BRWD1: variants seen among roughly 807,000 people sequenced by gnomAD.
BRWD1 encodes the protein bromodomain and WD repeat-containing protein 1.
In BRWD1, 82 loss-of-function variants were observed where a neutral mutation model predicts 251.2. The ratio of observed to expected loss-of-function variants is 0.33; its 90% CI spans 0.27 to 0.39. The LOEUF (loss-of-function observed/expected upper bound fraction) is 0.39, where lower values mean the gene tolerates loss of function less well. Ranked by LOEUF, BRWD1 falls within the 10% of genes least tolerant of loss-of-function variation. The probability of loss-of-function intolerance (pLI) is 1.00; values close to 1 mark genes in which losing one functional copy is unlikely to be tolerated. For missense variants in BRWD1, 2,233 were observed against 2,711.6 expected (o/e 0.82, Z 3.92); for synonymous variants, 918 against 902.8 (o/e 1.02, Z -0.30).
intron 26 of BRWD1, 38 bp from the exon 27 acceptor site, chr21:39,228,620 T>C (rs770749495): frequency 1.7e-6 from 2 of 1,182,592 alleles, no homozygotes; most frequent in Non-Finnish European, 2.5e-6. Context: ...ACTCTCTACA[T>C]AGCAGGTTAT....
chr21:39,262,299 A>G (rs1210459171), intron 17 of BRWD1, among the ~76,000 whole-genome samples: 3 of 152,184 alleles, frequency 2.0e-5, no homozygotes, highest in South Asian at 2.1e-4. Flanking sequence ...ATGATAATAT[A>G]CCCATCTATT....
rs1165213553 is a variant in BRWD1, at chr21:39,190,764, TC to T, written c.*5494del. 3 of 985,224 alleles carry T rather than the reference TC, an allele frequency of 3.0e-6. No homozygotes were observed. The highest frequency in any genetic ancestry group is 3.6e-6 in the Non-Finnish European group (3 of 829,912). The allele number at this position is 985,224 out of a possible 1,614,324, so 61.0% of individuals were successfully genotyped here. ...GTAACTTGCTGTGTTTTTAAACAGT[TC>T]CGTTTTCTAGGGGGAGCTGGTAACA... On this transcript the variant is annotated 3_prime_UTR_variant, in exon 41 of 41. Coordinates refer to ENST00000342449, the MANE Select transcript of BRWD1 (RefSeq NM_033656.4).
rs909937751 is a variant in BRWD1 at position 39,187,511 on chromosome 21, CAAT to C, written c.*8745_*8747del. The C allele has an allele frequency of 6.3e-6, 9 of 1,434,466 alleles. No individual in the cohort carries two copies. The highest frequency in any genetic ancestry group is 1.9e-4 in the Middle Eastern group (1 of 5,354). The allele number at this position is 1,434,466 out of a possible 1,614,324, so 88.9% of individuals were successfully genotyped here. A position where few individuals can be genotyped will look rare whatever the true frequency, so the allele number is the denominator to read the frequency against. On this transcript the variant is annotated 3_prime_UTR_variant, in exon 41 of 41. Coordinates refer to ENST00000342449, the MANE Select transcript of BRWD1 (RefSeq NM_033656.4). ...TTCCTCAACAACACTCATTCGGAAA[CAAT>C]AAATTTAAAAGTCATATTGCTAAAT...
rs2031676733 is a variant in BRWD1 at position 39,193,815 on chromosome 21, G to A, written c.*2444C>T. The A allele has an allele frequency of 1.0e-6, 1 of 985,266 alleles. No homozygotes were observed. The highest frequency in any genetic ancestry group is 1.7e-5 in the African/African-American group (1 of 57,168). 61.0% of individuals were successfully genotyped at this position (985,266 alleles called of 1,614,324 possible). A position where few individuals can be genotyped will look rare whatever the true frequency, so the allele number is the denominator to read the frequency against. On this transcript the variant is annotated 3_prime_UTR_variant, in exon 41 of 41. Transcript: ENST00000342449. ...GAAAAAAAAGGCCAAACATGTTCTA[G>A]TGCTCAATGTAAACATTTTAACTAT...
intron 7 of BRWD1, among the ~76,000 whole-genome samples, chr21:39,294,250 TATC>T (rs2035891364): frequency 2.0e-5 from 3 of 152,226 alleles, no homozygotes; most frequent in Non-Finnish European, 4.4e-5. Flanking sequence ...ACTGCCGAGT[TATC>T]ATTTCTACGG....
At chr21:39,238,083 T>A (rs1158398992) in intron 22 of BRWD1, among the ~76,000 whole-genome samples, 2 of 152,118 alleles carry the variant, frequency 1.3e-5, no homozygotes, top group African/African-American at 4.8e-5. Flanking sequence ...GAAGGTGACG[T>A]GCACCAAGAA....
chr21:39,254,291 C>T (rs1460151680), intron 19 of BRWD1, among the ~76,000 whole-genome samples: 4 of 152,106 alleles, frequency 2.6e-5, no homozygotes, highest in Non-Finnish European at 5.9e-5. Flanking sequence ...ACATTTCTTA[C>T]TAAAAGAAAA....
intron 33 of BRWD1, among the ~76,000 whole-genome samples, chr21:39,212,947 A>G (rs2032726150): frequency 6.6e-6 from 1 of 152,108 alleles, no homozygotes; most frequent in South Asian, 2.1e-4. Context: ...AAAATTTGAA[A>G]TTACAGCTAT....
intron 29 of BRWD1, 28 bp from the exon 30 acceptor site, chr21:39,218,688 G>T: frequency 1.3e-6 from 2 of 1,519,040 alleles, no homozygotes; most frequent in Non-Finnish European, 1.8e-6. Flanking sequence ...AACAATGAGA[G>T]GAAGAAAAAA....
chr21:39,232,560 T>A (rs2033657124), intron 23 of BRWD1, 62 bp from the exon 24 acceptor site: 1 of 1,540,108 alleles, frequency 6.5e-7, no homozygotes, highest in Admixed American at 2.5e-5. Flanking sequence ...ACTGTCTGAA[T>A]GAAAAATAAA....
At chr21:39,242,262 C>T (rs1045762064) in intron 21 of BRWD1, among the ~76,000 whole-genome samples, 1 of 152,140 alleles carries the variant, frequency 6.6e-6, no homozygotes. Flanking sequence ...AGCAAAATAG[C>T]CATACGGCTA....
chr21:39,225,152 G>C lies in BRWD1; in HGVS notation c.3254C>G (p.Thr1085Arg). Reference sequence around the variant, plus strand: ...TTGATATGGCTCTTGACTTAACACTGTTCCAAACCACCAAGCATCATCAAT... The same window carrying C: ...TTGATATGGCTCTTGACTTAACACTCTTCCAAACCACCAAGCATCATCAAT... ...SIIDDAWWFGTVLSQEPYQPQ... is the reference protein window; with the variant it reads ...SIIDDAWWFGRVLSQEPYQPQ... Residue 1085 changes from threonine to arginine, a missense_variant, in exon 28 of 41, where the codon ACA becomes AGA. Transcript: ENST00000342449. 6.2e-7 allele frequency: 1 copy of C among 1,613,472 alleles called. No homozygotes were observed. Among genetic ancestry groups the C allele is most frequent in the Non-Finnish European group, 8.5e-7 (1 of 1,179,656 alleles).
At chr21:39,211,006 G>A (rs1433574644) in intron 34 of BRWD1, 77 bp from the exon 35 acceptor site, 1 of 1,396,356 alleles carries the variant, frequency 7.2e-7, no homozygotes, top group Non-Finnish European at 9.7e-7. Context: ...CTGATCTACT[G>A]TCTTCTATAA....
chr21:39,282,647 A>C (rs867560883), intron 8 of BRWD1, among the ~76,000 whole-genome samples: 15 of 152,288 alleles, frequency 9.8e-5, no homozygotes, highest in Middle Eastern at 3.4e-3. Context: ...AAAACTCGCA[A>C]CCTTGCAGAG....
chr21:39,234,500 T>TA (rs2033739253), intron 23 of BRWD1, among the ~76,000 whole-genome samples: 2 of 152,330 alleles, frequency 1.3e-5, no homozygotes, highest in African/African-American at 4.8e-5. Context: ...GTCCAAGACT[T>TA]AAGGTACTCT....
Position 39,195,726 on chromosome 21 carries a change from C to G in BRWD1, c.*533G>C, listed in dbSNP as rs539281933. 1.8e-4 allele frequency: 177 copies of G among 972,948 alleles called. 1 individual carries two copies. In the South Asian group the frequency reaches 7.7e-3, roughly 42 times the overall value. 60.3% of individuals were successfully genotyped at this position (972,948 alleles called of 1,614,324 possible). ...CAGATCTGGTATAATGCATTCTACT[C>G]AAGTAGCCAGGGGAAGAAAAAAAAA... On this transcript the variant is annotated 3_prime_UTR_variant, in exon 41 of 41. Transcript: ENST00000342449.
At chr21:39,216,593 G>C (rs1758558316) in intron 31 of BRWD1, 1 of 241,774 alleles carries the variant, frequency 4.1e-6, no homozygotes, top group Non-Finnish European at 8.4e-6. Flanking sequence ...AGAGCAGAAA[G>C]GAAACTCATG....
chr21:39,209,259 A>C (rs1338229843), intron 36 of BRWD1, among the ~76,000 whole-genome samples: 1 of 152,072 alleles, frequency 6.6e-6, no homozygotes, highest in Non-Finnish European at 1.5e-5. Context: ...ATCACCTGCT[A>C]ATCTCAGAAT....
intron 15 of BRWD1, among the ~76,000 whole-genome samples, chr21:39,266,464 G>A (rs1388846159): frequency 2.6e-5 from 4 of 152,186 alleles, no homozygotes; most frequent in African/African-American, 9.6e-5. Flanking sequence ...GGTTAAAGCA[G>A]ATGCCAGTGG....
Sources: gnomAD v4.1 joint callset for allele counts (sites outside exome capture counted in the v4.1 genomes callset) on GRCh38, gnomAD v4.1.1 for gene constraint, MANE v1.5 for transcripts, NCBI Gene and HGNC (gene_info 2026-07-23, HGNC 2026-07-21) for gene names.